The following OTOG variants were observed in gnomAD, a reference collection of about 807,000 sequenced individuals.
OTOG encodes the protein otogelin.
Under a neutral mutation model 313.8 loss-of-function variants are expected in OTOG, and 296 were observed. The ratio of observed to expected loss-of-function variants is 0.94; its 90% CI spans 0.86 to 1.04. OTOG has a LOEUF of 1.04. Ranked by LOEUF, OTOG falls within the 50% of genes least tolerant of loss-of-function variation. The pLI is 0.00. For missense variants in OTOG, 3,948 were observed against 3,840.1 expected (o/e 1.03, Z -0.74); for synonymous variants, 1,533 against 1,554.9 (o/e 0.99, Z 0.33).
In OTOG at chr11:17,572,216, G is replaced by A. The variant is rs1446135198; in HGVS notation, c.2080+12G>A. On this transcript the variant is annotated intron_variant, in intron 18 of 55. Coordinates refer to ENST00000399397, the MANE Select transcript of OTOG (RefSeq NM_001292063.2). The stretch of plus-strand genomic sequence containing the variant: ...GCACCTGCAAGCCGGTGAGTTGGTG[G>A]GGGAAGAGGAGAGGCATGGTTGAGT... 6.5e-7 allele frequency: 1 copy of A among 1,550,334 alleles called. No individual in the cohort carries two copies.
At position 17,558,584 on chromosome 11, in the gene OTOG, C is replaced by A; in HGVS notation, c.1043C>A (p.Ala348Asp). ...GCTCTACTGCGGCCCCCCTTTGACG[C>A]CTGCCACGCCTACGTCAGCCCTCTG... The part of the protein sequence containing the change: ...CEALLRPPFD[A>D]CHAYVSPLPF... Residue 348 changes from alanine to aspartate, a missense_variant, in exon 10 of 56, where the codon GCC (alanine) becomes GAC (aspartate). Transcript: ENST00000399397. 1.3e-6 allele frequency: 2 copies of A among 1,550,486 alleles called. No homozygotes were observed. Among genetic ancestry groups the A allele is most frequent in the South Asian group, 2.4e-5 (2 of 84,058 alleles).
intron 47 of OTOG, 27 bp from the exon 48 acceptor site, chr11:17,638,424 G>T (rs978707428): frequency 3.3e-6 from 5 of 1,521,978 alleles, no homozygotes; most frequent in Non-Finnish European, 4.4e-6. Context: ...TGTGACTGAC[G>T]TGTCAACTGC....
intron 46 of OTOG, 105 bp downstream of exon 46, chr11:17,635,292 A>G (rs868676952): frequency 1.8e-5 from 16 of 899,814 alleles, no homozygotes; most frequent in Non-Finnish European, 2.3e-5. Flanking sequence ...GGGTCTTCAG[A>G]TGGGGTGGGC....
intron 16 of OTOG, among the ~76,000 whole-genome samples, chr11:17,569,847 A>G (rs1420367323): frequency 2.0e-5 from 3 of 152,358 alleles, no homozygotes; most frequent in South Asian, 4.1e-4. Context: ...ATGAGCTTCC[A>G]TAATAAAACT....
In OTOG at chr11:17,560,794, G is replaced by A. The variant is rs1852163530; in HGVS notation, c.1428G>A (p.Val476=). The A allele has an allele frequency of 6.4e-7, 1 of 1,550,748 alleles. No individual in the cohort carries two copies. The highest frequency in any genetic ancestry group is 1.2e-5 in the South Asian group (1 of 84,052). The change falls in exon 13 of 56, where the codon GTG becomes GTA. Residue 476 remains valine (V), a synonymous_variant. Transcript: ENST00000399397. ...GGACTCTGTACCCACCTGGCTCTGT[G>A]GTGAAGGAAGACTGCAATACTTGGT... ...FHGTLYPPGS[V]VKEDCNTCTC...
chr11:17,573,011 G>A, intron 18 of OTOG, 67 bp from the exon 19 acceptor site: 3 of 1,395,952 alleles, frequency 2.1e-6, no homozygotes, highest in Non-Finnish European at 2.9e-6. Context: ...GAGGGAGAGA[G>A]GCTGATCCTG....
intron 53 of OTOG, 111 bp from the exon 54 acceptor site, chr11:17,643,350 C>G (rs902976863): frequency 2.9e-5 from 20 of 693,568 alleles, no homozygotes; most frequent in South Asian, 4.6e-5. Flanking sequence ...TGGGGCATCA[C>G]GGGGAGAGAA....
At chr11:17,574,176 G>C (rs768136467) in intron 19 of OTOG, among the ~76,000 whole-genome samples, 3 of 152,154 alleles carry the variant, frequency 2.0e-5, no homozygotes, top group Admixed American at 6.5e-5. Context: ...AGGAGACTCT[G>C]GGGGGAGTGG....
At chr11:17,573,351 C>T in intron 19 of OTOG, 61 bp downstream of exon 19, 1 of 1,441,666 alleles carries the variant, frequency 6.9e-7, no homozygotes. Flanking sequence ...CCTGAGTGTC[C>T]CCTGCCCCTG....
In OTOG at chr11:17,559,525, C is replaced by T. The variant is rs1349904395; in HGVS notation, c.1214-9C>T. The T allele has an allele frequency of 1.3e-6, 2 of 1,550,478 alleles. No homozygotes were observed. Among genetic ancestry groups the T allele is most frequent in the East Asian group, 2.4e-5 (1 of 40,918 alleles). Reference sequence around the variant, plus strand: ...GTAGCTGAGAGACCATGGATCCCTCCTTCCCAAGCTGTGCACTGCAAGGAG... The same window carrying T: ...GTAGCTGAGAGACCATGGATCCCTCTTTCCCAAGCTGTGCACTGCAAGGAG... On this transcript the variant is annotated splice_polypyrimidine_tract_variant and intron_variant, in intron 11 of 55. Coordinates refer to ENST00000399397, the MANE Select transcript of OTOG (RefSeq NM_001292063.2).
Sources: allele counts gnomAD v4.1 joint callset (sites outside exome capture counted in the v4.1 genomes callset), GRCh38; gene constraint gnomAD v4.1.1; transcripts MANE v1.5; gene names NCBI Gene and HGNC (gene_info 2026-07-23, HGNC 2026-07-21).